Variants in IGSF10 observed in about 807,000 individuals in gnomAD.
IGSF10 encodes the protein immunoglobulin superfamily member 10.
A neutral mutation model predicts 128.2 loss-of-function variants in IGSF10; 126 were observed. The observed-to-expected ratio is 0.98, with a 90% CI of 0.85 to 1.14. The LOEUF is 1.14. IGSF10 is among the 50% of genes most tolerant of loss of function. IGSF10 has a pLI of 0.00. For missense variants in IGSF10, 3,295 were observed against 3,149.8 expected (o/e 1.05, Z -1.10); for synonymous variants, 1,185 against 1,146.2 (o/e 1.03, Z -0.68).
chr3:151,579,567 A>T, the IGSF10 span, among the ~76,000 whole-genome samples: 1 of 151,958 alleles, frequency 6.6e-6, no homozygotes, highest in Non-Finnish European at 1.5e-5. Flanking sequence ...AAAAGTAAAG[A>T]TCAATCAAAA....
At chr3:151,541,315 A>C in the IGSF10 span, among the ~76,000 whole-genome samples, 1 of 152,198 alleles carries the variant, frequency 6.6e-6, no homozygotes, top group South Asian at 2.1e-4. Flanking sequence ...ATATCTTTAC[A>C]TTATATGGGA....
chr3:151,443,423 G>A lies in IGSF10; in HGVS notation c.5524C>T (p.Pro1842Ser), dbSNP rs780735997. 134 of 1,614,092 alleles carry A rather than the reference G, an allele frequency of 8.3e-5. No homozygotes were observed. The highest frequency in any genetic ancestry group is 1.1e-4 in the Non-Finnish European group (127 of 1,180,052). ...TGCCTCCTTTGCTCTAGAATAACAG[G>A]TGGTGCTGCAATGACTTGTATTTTA... ...LVKIQVIAAP[P>S]VILEQRRQVI... Residue 1842 changes from proline (P) to serine (S), a missense_variant, in exon 7 of 8, where the codon CCT becomes TCT. By Grantham distance (74) the Pro-to-Ser change is moderately conservative. Coordinates refer to ENST00000282466, the MANE Select transcript of IGSF10 (RefSeq NM_178822.5).
the IGSF10 span, among the ~76,000 whole-genome samples, chr3:151,598,521 C>T: frequency 6.6e-6 from 1 of 152,168 alleles, no homozygotes; most frequent in Admixed American, 6.5e-5. Context: ...ATACTCAAGG[C>T]TGTTATATAG....
chr3:151,552,151 C>G, the IGSF10 span, among the ~76,000 whole-genome samples: 1 of 152,104 alleles, frequency 6.6e-6, no homozygotes, highest in African/African-American at 2.4e-5. Context: ...TAGCATTTCC[C>G]CCTTTGCTCT....
the IGSF10 span, among the ~76,000 whole-genome samples, chr3:151,574,989 T>G: frequency 2.4e-4 from 36 of 152,272 alleles, no homozygotes; most frequent in African/African-American, 8.7e-4. Flanking sequence ...CAGCTGCAGG[T>G]CTGTTGGTGT....
the IGSF10 span, among the ~76,000 whole-genome samples, chr3:151,541,054 G>C: frequency 6.6e-6 from 1 of 152,128 alleles, no homozygotes; most frequent in Non-Finnish European, 1.5e-5. Context: ...TCATGCTGAA[G>C]TTTGTATAGT....
the IGSF10 span, among the ~76,000 whole-genome samples, chr3:151,488,161 C>T: frequency 6.6e-6 from 1 of 152,110 alleles, no homozygotes; most frequent in South Asian, 2.1e-4. Context: ...GTGCAAAAAT[C>T]ACAAGCATTC....
In IGSF10 at chr3:151,445,518, T is replaced by G; in HGVS notation, c.4463A>C (p.Asp1488Ala). 6.2e-7 allele frequency: 1 copy of G among 1,614,188 alleles called. No homozygotes were observed. Among genetic ancestry groups the G allele is most frequent in the South Asian group, 1.1e-5 (1 of 91,090 alleles). The change falls in exon 6 of 8, where the codon GAC becomes GCC. Residue 1488 changes from aspartate to alanine, a missense_variant. Asp to Ala is a moderately radical substitution (Grantham distance 126). Transcript: ENST00000282466. ...CCCGGAAATGGGAGTCGCCACGTTG[T>G]CAGTAACTGCTCTCTGAGTAAAGGG... ...SPPFTQRAVT[D>A]NVATPISGLM...
the IGSF10 span, among the ~76,000 whole-genome samples, chr3:151,564,110 T>C: frequency 6.6e-6 from 1 of 152,232 alleles, no homozygotes; most frequent in Non-Finnish European, 1.5e-5. Flanking sequence ...ATGATCATCA[T>C]CAGGTTTTAC....
chr3:151,498,838 T>G, the IGSF10 span, among the ~76,000 whole-genome samples: 1 of 152,110 alleles, frequency 6.6e-6, no homozygotes, highest in African/African-American at 2.4e-5. Context: ...GAACATCTAC[T>G]TACACTTGAG....
Position 151,447,063 on chromosome 3 carries a change from G to A in IGSF10, c.2918C>T (p.Thr973Ile), listed in dbSNP as rs763343553. 21 of 1,614,020 alleles carry A rather than the reference G, an allele frequency of 1.3e-5. No homozygotes were observed. The highest frequency in any genetic ancestry group is 1.6e-5 in the Non-Finnish European group (19 of 1,179,986). Residue 973 changes from threonine (T) to isoleucine (I), a missense_variant, in exon 6 of 8, where the codon ACT (threonine) becomes ATT (isoleucine). Physicochemically the swap from Thr to Ile is moderately conservative, Grantham distance 89 (BLOSUM62 -1). Coordinates refer to ENST00000282466, the MANE Select transcript of IGSF10 (RefSeq NM_178822.5). Reference sequence around the variant, plus strand: ...CGTGGAGGTGCTAAGTATTTGAGTAGTGTGAGAATAGAAGTGATTGTGCCT... The same window carrying A: ...CGTGGAGGTGCTAAGTATTTGAGTAATGTGAGAATAGAAGTGATTGTGCCT... ...EPRHNHFYSH[T>I]TQILSTSTFP...
At chr3:151,433,091 GCTTT>G (rs781609028), downstream of IGSF10, 37 of 293,838 alleles carry the variant, frequency 1.3e-4, no homozygotes, top group Non-Finnish European at 2.1e-4. Flanking sequence ...TGAAATTGGT[GCTTT>G]TTTTGAATCT....
Position 151,453,518 on chromosome 3 carries a change from T to A in IGSF10, c.581A>T (p.Asp194Val). The A allele has an allele frequency of 6.2e-7, 1 of 1,614,080 alleles. No homozygotes were observed. The highest frequency in any genetic ancestry group is 8.5e-7 in the Non-Finnish European group (1 of 1,179,970). Residue 194 changes from aspartate to valine, a missense_variant, in exon 5 of 8, where the codon GAT becomes GTT. Physicochemically the swap from Asp to Val is radical, Grantham distance 152. Coordinates refer to ENST00000282466, the MANE Select transcript of IGSF10 (RefSeq NM_178822.5). The stretch of plus-strand genomic sequence containing the variant: ...TTGAGGGAGGGAGGTCAGGAAGTTA[T>A]CAGACAAGTATAGGAACTTAATGAA... Reference protein sequence around the residue: ...ISFIKFLYLSDNFLTSLPQEM... With the variant: ...ISFIKFLYLSVNFLTSLPQEM...
the IGSF10 span, among the ~76,000 whole-genome samples, chr3:151,588,778 C>G: frequency 6.6e-6 from 1 of 152,022 alleles, no homozygotes; most frequent in South Asian, 2.1e-4. Context: ...TGACCACAAG[C>G]AAATAGAACA....
chr3:151,579,709 C>T, the IGSF10 span, among the ~76,000 whole-genome samples: 1 of 151,564 alleles, frequency 6.6e-6, no homozygotes, highest in Non-Finnish European at 1.5e-5. Flanking sequence ...ATGGAGAGAA[C>T]AAATAAATAT....
the IGSF10 span, among the ~76,000 whole-genome samples, chr3:151,528,861 A>C: frequency 8.9e-5 from 13 of 146,570 alleles, no homozygotes; most frequent in Admixed American, 8.9e-4. Context: ...AGAACTGTTC[A>C]CTCCCCTGGA....
At chr3:151,462,590 A>G (rs1343021530), upstream of IGSF10, among the ~76,000 whole-genome samples, 1 of 152,254 alleles carries the variant, frequency 6.6e-6, no homozygotes, top group Non-Finnish European at 1.5e-5. Flanking sequence ...GTGGCTTGTG[A>G]GTAGAAAAGC....
chr3:151,523,088 A>T, the IGSF10 span, among the ~76,000 whole-genome samples: 1 of 152,192 alleles, frequency 6.6e-6, no homozygotes, highest in Non-Finnish European at 1.5e-5. Context: ...AGAATAACAT[A>T]CCTAAGAATA....
chr3:151,533,278 A>G, the IGSF10 span, among the ~76,000 whole-genome samples: 19 of 152,330 alleles, frequency 1.2e-4, no homozygotes, highest in African/African-American at 3.4e-4. Context: ...TCAAGCTACC[A>G]CTGAGTTTCT....
Sources: allele counts gnomAD v4.1 joint callset (sites outside exome capture counted in the v4.1 genomes callset), GRCh38; gene constraint gnomAD v4.1.1; transcripts MANE v1.5; gene names NCBI Gene and HGNC (gene_info 2026-07-23, HGNC 2026-07-21).